TNFRSF8: variants seen among roughly 807,000 people sequenced by gnomAD.
TNFRSF8 encodes tumor necrosis factor receptor superfamily member 8.
Under a neutral mutation model 70.8 loss-of-function variants are expected in TNFRSF8, and 26 were observed. The ratio of observed to expected loss-of-function variants is 0.37; its 90% confidence interval spans 0.27 to 0.51. The LOEUF (loss-of-function observed/expected upper bound fraction) is 0.51, where lower values mean the gene tolerates loss of function less well. Ranked by LOEUF, TNFRSF8 falls within the 20% of genes least tolerant of loss-of-function variation. The pLI is 0.94. For synonymous variants in TNFRSF8, 356 were observed against 339.2 expected, an observed-to-expected ratio of 1.05 and a Z score of -0.54; for missense variants, 720 against 807.9, an observed-to-expected ratio of 0.89 and a Z score of 1.32.
intron 1 of TNFRSF8, 150 bp from the exon 2 acceptor site, chr1:12,084,314 G>A (rs1477733372): frequency 2.8e-6 from 2 of 705,676 alleles, no homozygotes; most frequent in Non-Finnish European, 5.0e-6. Context: ...AAGCGTAAGG[G>A]CGGTGTGGGT....
At chr1:12,096,564 T>C in intron 2 of TNFRSF8, among the ~76,000 whole-genome samples, 1 of 152,074 alleles carries the variant, frequency 6.6e-6, no homozygotes, top group East Asian at 1.9e-4. Context: ...TGGTCTAGAC[T>C]TTCATGGTCT....
At chr1:12,075,678 A>C (rs1049194827) in intron 1 of TNFRSF8, among the ~76,000 whole-genome samples, 1 of 152,160 alleles carries the variant, frequency 6.6e-6, no homozygotes, top group Non-Finnish European at 1.5e-5. Flanking sequence ...TGAATATATC[A>C]CCCTAGGTCC....
intron 1 of TNFRSF8, among the ~76,000 whole-genome samples, chr1:12,082,324 T>A (rs1641078520): frequency 6.6e-6 from 1 of 152,006 alleles, no homozygotes; most frequent in Non-Finnish European, 1.5e-5. Flanking sequence ...GGCAGGAGGA[T>A]TACTTGACCT....
At chr1:12,107,199 A>T (rs2100999473) in intron 4 of TNFRSF8, among the ~76,000 whole-genome samples, 1 of 152,314 alleles carries the variant, frequency 6.6e-6, no homozygotes, top group Non-Finnish European at 1.5e-5. Flanking sequence ...GTTTGAGACC[A>T]GCCTGGCCAA....
intron 1 of TNFRSF8, among the ~76,000 whole-genome samples, chr1:12,077,008 C>A (rs11569799): frequency 0.015 from 2,324 of 152,250 alleles, 57 homozygotes; most frequent in African/African-American, 0.053. Flanking sequence ...GTGGCCCAAC[C>A]ACGGCTGAAG....
At position 12,063,884 on chromosome 1, in the gene TNFRSF8, G is replaced by T. The variant is rs999023341; in HGVS notation, c.63+223G>T. Among the ~76,000 whole-genome samples the T allele has an allele frequency of 2.0e-5, 3 of 152,206 alleles. No homozygotes were observed. The highest frequency in any genetic ancestry group is 7.2e-5 in the African/African-American group (3 of 41,456). On this transcript the variant is annotated intron_variant, in intron 1 of 14. Coordinates refer to ENST00000263932, the MANE Select transcript of TNFRSF8 (RefSeq NM_001243.5). The surrounding 1 kb of genome is among the most constrained non-coding windows in gnomAD (Gnocchi z 7.2). ...GGCGCCTCCTTCTCACCCCGCGATGGCTGGGACTGATTCATTCATTCAGTG... is the reference window on the plus strand; with the variant it reads ...GGCGCCTCCTTCTCACCCCGCGATGTCTGGGACTGATTCATTCATTCAGTG...
Position 12,110,152 on chromosome 1 carries a change from G to A in TNFRSF8, c.624G>A (p.Leu208=), listed in dbSNP as rs1372923016. Residue 208 remains leucine (L), a synonymous_variant, in exon 6 of 15, where the codon CTG becomes CTA. Transcript: ENST00000263932. This position sits in a 1 kb window ranked among gnomAD's most constrained non-coding sequence, Gnocchi z 4.0. ...TRLAQEAASK[L]TRAPDSPSSV... Reference sequence around the variant, plus strand: ...TCGCCCAGGAAGCTGCTTCTAAACTGACGAGGGCTCCCGACTCTCCCTCCT... The same window carrying A: ...TCGCCCAGGAAGCTGCTTCTAAACTAACGAGGGCTCCCGACTCTCCCTCCT... 1.2e-6 allele frequency: 2 copies of A among 1,612,784 alleles called. No homozygotes were observed. The highest frequency in any genetic ancestry group is 1.7e-6 in the Non-Finnish European group (2 of 1,179,436).
Position 12,142,827 on chromosome 1 carries a change from G to A in TNFRSF8, c.*296G>A, listed in dbSNP as rs965635971. ...AGGCAGCAAACAGATGGCAGGATGGGCACTGCCGAGAACAGCATTGGTCCC... is the reference window on the plus strand; with the variant it reads ...AGGCAGCAAACAGATGGCAGGATGGACACTGCCGAGAACAGCATTGGTCCC... On this transcript the variant is annotated 3_prime_UTR_variant, in exon 15 of 15. Transcript: ENST00000263932. This position sits in a 1 kb window ranked among gnomAD's most constrained non-coding sequence, Gnocchi z 5.0. The A allele has an allele frequency of 4.2e-5, 16 of 383,092 alleles. No individual in the cohort carries two copies. The highest frequency in any genetic ancestry group is 2.6e-4 in the African/African-American group (13 of 49,270). 23.7% of individuals were successfully genotyped at this position (383,092 alleles called of 1,614,324 possible).
chr1:12,086,073 G>C (rs549944557), intron 2 of TNFRSF8, among the ~76,000 whole-genome samples: 26 of 152,306 alleles, frequency 1.7e-4, no homozygotes, highest in Non-Finnish European at 1.5e-4. Flanking sequence ...GGGCGGAGGG[G>C]CCCATCCACC....
chr1:12,122,437 AG>A (rs1557599280), intron 8 of TNFRSF8, among the ~76,000 whole-genome samples: 1 of 151,852 alleles, frequency 6.6e-6, no homozygotes, highest in Admixed American at 6.5e-5. Flanking sequence ...ACTTGAGGTC[AG>A]GAGTTCGAGA....
intron 7 of TNFRSF8, among the ~76,000 whole-genome samples, chr1:12,114,635 C>T (rs1023359688): frequency 1.4e-5 from 2 of 144,290 alleles, no homozygotes; most frequent in African/African-American, 5.1e-5. Flanking sequence ...TGCATTATTA[C>T]ACTTATTAAA....
chr1:12,092,020 T>G (rs1192968361), intron 2 of TNFRSF8, among the ~76,000 whole-genome samples: 2 of 152,146 alleles, frequency 1.3e-5, no homozygotes, highest in Non-Finnish European at 2.9e-5. Context: ...GTGGCCCCGT[T>G]CCTAACAGGC....
rs199833284 is a variant in TNFRSF8 at position 12,135,647 on chromosome 1, C to T, written c.1335+34C>T. On this transcript the variant is annotated intron_variant, in intron 13 of 14. Coordinates refer to ENST00000263932, the MANE Select transcript of TNFRSF8 (RefSeq NM_001243.5). ...CCCTCCCTTGCCCCCACCTCAGCTT[C>T]GTGCCCCTAAATCTGACTCCTTCCC... 9.5e-5 allele frequency: 154 copies of T among 1,612,838 alleles called. 1 individual carries two copies. Among genetic ancestry groups the T allele is most frequent in the South Asian group, 8.9e-4 (81 of 90,718 alleles).
intron 2 of TNFRSF8, among the ~76,000 whole-genome samples, chr1:12,091,052 A>G (rs1641240627): frequency 6.6e-6 from 1 of 152,246 alleles, no homozygotes; most frequent in African/African-American, 2.4e-5. Context: ...CATGGGGAAC[A>G]CAGTCCATCT....
At position 12,111,907 on chromosome 1, in the gene TNFRSF8, C is replaced by A; in HGVS notation, c.686C>A (p.Pro229Gln). Reference protein sequence around the residue: ...GRPSSDPGLSPTQPCPEGSGD... With the variant: ...GRPSSDPGLSQTQPCPEGSGD... ...CTGCTTCTTTCCCCAGGTCTGTCCCCAACACAGCCATGCCCAGAGGGGTCT... is the reference window on the plus strand; with the variant it reads ...CTGCTTCTTTCCCCAGGTCTGTCCCAAACACAGCCATGCCCAGAGGGGTCT... The change falls in exon 7 of 15, where the codon CCA becomes CAA. Residue 229 changes from proline (P) to glutamine (Q), a missense_variant. Coordinates refer to ENST00000263932, the MANE Select transcript of TNFRSF8 (RefSeq NM_001243.5). 1 of 1,614,132 alleles carries A rather than the reference C, an allele frequency of 6.2e-7. No homozygotes were observed. The highest frequency in any genetic ancestry group is 8.5e-7 in the Non-Finnish European group (1 of 1,179,974).
chr1:12,114,694 C>CAT (rs1218143396), intron 7 of TNFRSF8, among the ~76,000 whole-genome samples: 2 of 77,034 alleles, frequency 2.6e-5, no homozygotes, highest in Non-Finnish European at 4.5e-5. Flanking sequence ...GAAAAAAAAT[C>CAT]TTTTTTTTTT....
rs770373446 is a variant in TNFRSF8 at position 12,109,556 on chromosome 1, C to T, written c.422-10C>T. The T allele has an allele frequency of 6.2e-7, 1 of 1,611,948 alleles. No homozygotes were observed. Among genetic ancestry groups the T allele is most frequent in the Non-Finnish European group, 8.5e-7 (1 of 1,178,752 alleles). ...CACTGATTCTGAAGGCACTGCTGTC[C>T]CCCCTGCAGGCACGGCGCAGAAGAA... On this transcript the variant is annotated splice_polypyrimidine_tract_variant and intron_variant, in intron 4 of 14. Coordinates refer to ENST00000263932, the MANE Select transcript of TNFRSF8 (RefSeq NM_001243.5). This position sits in a 1 kb window ranked among gnomAD's most constrained non-coding sequence, Gnocchi z 4.4.
intron 12 of TNFRSF8, among the ~76,000 whole-genome samples, chr1:12,129,241 A>G (rs1351019653): frequency 2.6e-5 from 4 of 152,136 alleles, no homozygotes; most frequent in Non-Finnish European, 4.4e-5. Flanking sequence ...ACAGTTTCAA[A>G]CTTATAGAAA....
Position 12,108,518 on chromosome 1 carries a change from A to G in TNFRSF8, c.422-1048A>G, listed in dbSNP as rs1641569550. Among the ~76,000 whole-genome samples the G allele has an allele frequency of 6.6e-6, 1 of 152,082 alleles. No homozygotes were observed. Among genetic ancestry groups the G allele is most frequent in the Admixed American group, 6.6e-5 (1 of 15,256 alleles). On this transcript the variant is annotated intron_variant, in intron 4 of 14. Transcript: ENST00000263932. This position sits in a 1 kb window ranked among gnomAD's most constrained non-coding sequence, Gnocchi z 4.0. ...CTGACGACAGCCTGGTGAAGAGTGT[A>G]TGATTATAGTCATTTGACTGGGCTG... is the stretch of plus-strand genomic sequence containing the variant.
Sources: allele counts gnomAD v4.1 joint callset (sites outside exome capture counted in the v4.1 genomes callset), GRCh38; gene constraint gnomAD v4.1.1; non-coding constraint Gnocchi (gnomAD v3.1); transcripts MANE v1.5; gene names NCBI Gene and HGNC (gene_info 2026-07-23, HGNC 2026-07-21).